CSMD1: variants seen among roughly 807,000 people sequenced by gnomAD.
CSMD1 encodes the protein CUB and Sushi multiple domains 1.
CSMD1 carries 213 observed loss-of-function variants against 417.5 expected under a neutral mutation model. That is an observed-to-expected ratio of 0.51 (90% CI 0.46 to 0.57). The LOEUF (loss-of-function observed/expected upper bound fraction) is 0.57. CSMD1 is among the 20% of genes least tolerant of loss of function. The pLI is 0.00. For missense variants in CSMD1, 6,923 were observed against 4,529.7 expected (o/e 1.53, Z -15.17); for synonymous variants, 2,862 against 1,736.8 (o/e 1.65, Z -16.11).
At chr8:4,175,348 A>G (rs1376167609) in intron 3 of CSMD1, among the ~76,000 whole-genome samples, 3 of 152,112 alleles carry the variant, frequency 2.0e-5, no homozygotes, top group African/African-American at 7.2e-5. Context: ...ACTTTTTTCT[A>G]AATACTTTTT....
At chr8:4,635,378 A>G (rs575093055) in intron 2 of CSMD1, among the ~76,000 whole-genome samples, 6 of 152,236 alleles carry the variant, frequency 3.9e-5, no homozygotes, top group African/African-American at 1.4e-4. Flanking sequence ...ATGTTGTTTT[A>G]TATTTATTAA....
chr8:3,374,206 G>A (rs1053741069), intron 18 of CSMD1, among the ~76,000 whole-genome samples: 5 of 152,004 alleles, frequency 3.3e-5, no homozygotes, highest in Middle Eastern at 3.4e-3. Context: ...TACCTGCCCC[G>A]CCTCAGCCTC....
chr8:4,053,201 G>A (rs756575356), intron 3 of CSMD1, among the ~76,000 whole-genome samples: 6 of 152,138 alleles, frequency 3.9e-5, no homozygotes, highest in Admixed American at 6.5e-5. Flanking sequence ...AATATAACAC[G>A]TTATTAAAAA....
At chr8:3,623,060 C>A (rs1452343514) in intron 7 of CSMD1, among the ~76,000 whole-genome samples, 1 of 151,956 alleles carries the variant, frequency 6.6e-6, no homozygotes, top group African/African-American at 2.4e-5. Flanking sequence ...CTGAAAATAT[C>A]AATAGATTGG....
At chr8:4,412,072 T>G (rs1407154845) in intron 3 of CSMD1, among the ~76,000 whole-genome samples, 1 of 152,076 alleles carries the variant, frequency 6.6e-6, no homozygotes, top group South Asian at 2.1e-4. Context: ...ATAGTTCAGA[T>G]ATTTCTCAAC....
At chr8:4,235,716 T>TGTAA (rs1802004890) in intron 3 of CSMD1, among the ~76,000 whole-genome samples, 1 of 152,218 alleles carries the variant, frequency 6.6e-6, no homozygotes, top group South Asian at 2.1e-4. Context: ...TCTTGTGATA[T>TGTAA]GTAAGTTCTC....
chr8:3,088,436 A>G (rs1289261349), intron 48 of CSMD1, among the ~76,000 whole-genome samples: 1 of 152,190 alleles, frequency 6.6e-6, no homozygotes, highest in African/African-American at 2.4e-5. Flanking sequence ...ATAAAAGCAC[A>G]CACACGCAGG....
intron 3 of CSMD1, among the ~76,000 whole-genome samples, chr8:4,165,568 A>C (rs962744407): frequency 4.6e-5 from 7 of 152,062 alleles, no homozygotes; most frequent in African/African-American, 1.7e-4. Flanking sequence ...TGCCCAGCTA[A>C]TTTTTAAAGT....
intron 5 of CSMD1, among the ~76,000 whole-genome samples, chr8:3,936,643 C>A (rs368311008): frequency 2.0e-4 from 31 of 152,246 alleles, no homozygotes; most frequent in African/African-American, 7.2e-4. Context: ...AAAAAGATTC[C>A]TTTCTAAATA....
At chr8:4,297,790 A>C (rs1293378997) in intron 3 of CSMD1, among the ~76,000 whole-genome samples, 1 of 152,200 alleles carries the variant, frequency 6.6e-6, no homozygotes, top group East Asian at 1.9e-4. Flanking sequence ...ACATTTCAAA[A>C]GGATTTTCAG....
At chr8:3,755,284 G>A (rs1797594388) in intron 5 of CSMD1, among the ~76,000 whole-genome samples, 1 of 152,130 alleles carries the variant, frequency 6.6e-6, no homozygotes, top group Non-Finnish European at 1.5e-5. Flanking sequence ...ATGAACCTCT[G>A]TTACCCATTG....
chr8:3,077,870 T>G (rs1432605727), intron 49 of CSMD1, among the ~76,000 whole-genome samples: 1 of 152,252 alleles, frequency 6.6e-6, no homozygotes, highest in Non-Finnish European at 1.5e-5. Flanking sequence ...GGCATTTCAC[T>G]GTCTTTACTC....
At chr8:4,458,003 G>C (rs188385780) in intron 2 of CSMD1, among the ~76,000 whole-genome samples, 2 of 152,100 alleles carry the variant, frequency 1.3e-5, no homozygotes, top group Non-Finnish European at 2.9e-5. Flanking sequence ...GAGAGGTAGT[G>C]ACTTCTCCCT....
chr8:4,150,144 G>A (rs1796492506), intron 3 of CSMD1, among the ~76,000 whole-genome samples: 2 of 152,146 alleles, frequency 1.3e-5, no homozygotes, highest in South Asian at 4.1e-4. Context: ...AATAAACTGT[G>A]ATATCTTGAG....
intron 2 of CSMD1, among the ~76,000 whole-genome samples, chr8:4,503,966 A>T (rs896401528): frequency 6.9e-6 from 1 of 145,488 alleles, no homozygotes; most frequent in African/African-American, 2.5e-5. Context: ...CTACTTGCAT[A>T]TTCAAAAAAA....
intron 17 of CSMD1, among the ~76,000 whole-genome samples, chr8:3,393,781 T>C (rs769225577): frequency 6.6e-5 from 10 of 151,316 alleles, no homozygotes; most frequent in Non-Finnish European, 1.0e-4. Flanking sequence ...TAGGTGGGAA[T>C]TGAACAATGA....
intron 3 of CSMD1, among the ~76,000 whole-genome samples, chr8:4,139,138 C>T (rs1613815): frequency 6.6e-6 from 1 of 151,990 alleles, no homozygotes; most frequent in Non-Finnish European, 1.5e-5. Flanking sequence ...ATCCTGGACC[C>T]ATTTCCTACT....
chr8:3,543,027 T>C (rs1053061359), intron 10 of CSMD1, among the ~76,000 whole-genome samples: 1 of 152,112 alleles, frequency 6.6e-6, no homozygotes, highest in Non-Finnish European at 1.5e-5. Flanking sequence ...CACCTGCTGT[T>C]TGTGGGTGTG....
At chr8:4,218,497 C>G (rs1006815419) in intron 3 of CSMD1, among the ~76,000 whole-genome samples, 1 of 152,122 alleles carries the variant, frequency 6.6e-6, no homozygotes, top group South Asian at 2.1e-4. Flanking sequence ...TGATCTTTTT[C>G]TAATAAATAA....
Sources: allele counts gnomAD v4.1 joint callset (sites outside exome capture counted in the v4.1 genomes callset), GRCh38; gene constraint gnomAD v4.1.1; transcripts MANE v1.5; gene names NCBI Gene and HGNC (gene_info 2026-07-23, HGNC 2026-07-21).